Variants in FGF14 observed in about 807,000 individuals in gnomAD.
The protein encoded by FGF14 is fibroblast growth factor homologous factor 4.
In FGF14, 5 loss-of-function variants were observed where a neutral mutation model predicts 25.5. That is an observed-to-expected ratio of 0.20 (90% CI 0.10 to 0.41). The LOEUF (loss-of-function observed/expected upper bound fraction) is 0.41, where lower values mean the gene tolerates loss of function less well. Ranked by LOEUF, FGF14 falls within the 10% of genes least tolerant of loss-of-function variation. The pLI is 1.00. For missense variants in FGF14, 222 were observed against 320.1 expected (o/e 0.69, Z 2.34); for synonymous variants, 138 against 118.3 (o/e 1.17, Z -1.08).
intron 1 of FGF14, among the ~76,000 whole-genome samples, chr13:102,076,536 C>T (rs1476153280): frequency 2.0e-5 from 3 of 151,982 alleles, no homozygotes; most frequent in Non-Finnish European, 4.4e-5. Flanking sequence ...TTAAGCAACA[C>T]ACAACTGTTT....
At chr13:101,831,240 C>CTATTTATTTATT (rs71125026) in intron 3 of FGF14, among the ~76,000 whole-genome samples, 7 of 147,356 alleles carry the variant, frequency 4.8e-5, no homozygotes, top group African/African-American at 1.7e-4. Flanking sequence ...ATGTTAGTTA[C>CTATTTATTTATT]TATTTATTTA....
intron 1 of FGF14, among the ~76,000 whole-genome samples, chr13:102,173,687 T>C (rs1446331717): frequency 6.6e-6 from 1 of 152,106 alleles, no homozygotes; most frequent in African/African-American, 2.4e-5. Context: ...CATAGTTAGG[T>C]TGGAAGACAT....
intron 1 of FGF14, among the ~76,000 whole-genome samples, chr13:102,010,901 AACTTAC>A (rs1294122508): frequency 6.6e-6 from 1 of 152,184 alleles, no homozygotes; most frequent in Non-Finnish European, 1.5e-5. Context: ...AACGTGGAGA[AACTTAC>A]ACTTAAGAAA....
At chr13:101,785,097 G>T (rs1448028333) in intron 3 of FGF14, among the ~76,000 whole-genome samples, 1 of 152,106 alleles carries the variant, frequency 6.6e-6, no homozygotes, top group Non-Finnish European at 1.5e-5. Flanking sequence ...AGAATGAGAA[G>T]TGCAGTCATT....
intron 3 of FGF14, among the ~76,000 whole-genome samples, chr13:101,781,149 TCTCA>T (rs2039468932): frequency 6.6e-6 from 1 of 151,736 alleles, no homozygotes; most frequent in Non-Finnish European, 1.5e-5. Context: ...TCTCTCTCTC[TCTCA>T]CTCACTCATT....
At chr13:101,936,239 C>T (rs1347290773) in intron 1 of FGF14, among the ~76,000 whole-genome samples, 3 of 152,142 alleles carry the variant, frequency 2.0e-5, no homozygotes, top group Non-Finnish European at 4.4e-5. Flanking sequence ...AATGCCTGAC[C>T]CACGAGGGTT....
At chr13:102,388,587 C>G (rs1352683046) in intron 1 of FGF14, among the ~76,000 whole-genome samples, 1 of 152,198 alleles carries the variant, frequency 6.6e-6, no homozygotes, top group Non-Finnish European at 1.5e-5. Flanking sequence ...AATTTCTCAA[C>G]GTATGCCTTC....
At chr13:102,074,220 C>T (rs1190812122) in intron 1 of FGF14, among the ~76,000 whole-genome samples, 2 of 152,132 alleles carry the variant, frequency 1.3e-5, no homozygotes, top group African/African-American at 4.8e-5. Flanking sequence ...CACTATGTTG[C>T]CCAGGCTGGT....
At chr13:101,937,000 G>A (rs1329405293) in intron 1 of FGF14, among the ~76,000 whole-genome samples, 2 of 152,174 alleles carry the variant, frequency 1.3e-5, no homozygotes, top group African/African-American at 4.8e-5. Context: ...AATGAAGACT[G>A]TATTTTATAC....
intron 1 of FGF14, among the ~76,000 whole-genome samples, chr13:101,971,582 G>C (rs1356361269): frequency 1.3e-5 from 2 of 152,134 alleles, no homozygotes; most frequent in African/African-American, 4.8e-5. Context: ...ATGTCGTCTA[G>C]GCTGGTCTTG....
intron 4 of FGF14, 101 bp from the exon 5 acceptor site, chr13:101,723,068 C>A: frequency 7.1e-7 from 1 of 1,408,276 alleles, no homozygotes; most frequent in Non-Finnish European, 1.0e-6. Context: ...TTGCCCATTT[C>A]TGTTTTCCCT....
chr13:102,170,389 TCTC>T (rs1360840116), intron 1 of FGF14, among the ~76,000 whole-genome samples: 1 of 151,920 alleles, frequency 6.6e-6, no homozygotes, highest in Non-Finnish European at 1.5e-5. Flanking sequence ...TCTTCGTCCT[TCTC>T]CTTCTTTAAT....
intron 3 of FGF14, among the ~76,000 whole-genome samples, chr13:101,822,569 A>G (rs1444003098): frequency 6.6e-6 from 1 of 151,938 alleles, no homozygotes; most frequent in Non-Finnish European, 1.5e-5. Context: ...GAGATATAAC[A>G]TCTTAACAGT....
intron 1 of FGF14, among the ~76,000 whole-genome samples, chr13:102,262,658 C>T (rs1467110560): frequency 1.3e-5 from 2 of 151,942 alleles, no homozygotes; most frequent in African/African-American, 4.8e-5. Flanking sequence ...AATTTAGCAC[C>T]CACTAACAGG....
At position 101,963,891 on chromosome 13, in the gene FGF14, A is replaced by G. The variant is rs535375307; in HGVS notation, c.209-88595T>C. Among the ~76,000 whole-genome samples, 6 of 152,358 alleles carry G rather than the reference A, an allele frequency of 3.9e-5. No homozygotes were observed. In the South Asian group the frequency reaches 8.3e-4, roughly 21 times the overall value. Reference sequence around the variant, plus strand: ...ATAAGGCAGGAATGTCATAAATTCAATTTTATAGGAAAACAGTGTAATGTA... The same window carrying G: ...ATAAGGCAGGAATGTCATAAATTCAGTTTTATAGGAAAACAGTGTAATGTA... On this transcript the variant is annotated intron_variant, in intron 1 of 4. Transcript: ENST00000376131.
At chr13:101,882,434 G>T (rs1390415467) in intron 1 of FGF14, among the ~76,000 whole-genome samples, 1 of 152,050 alleles carries the variant, frequency 6.6e-6, no homozygotes, top group African/African-American at 2.4e-5. Context: ...ATTGCATCAG[G>T]ATATTGCATT....
chr13:102,207,293 A>T (rs1328615130), intron 1 of FGF14, among the ~76,000 whole-genome samples: 3 of 151,988 alleles, frequency 2.0e-5, no homozygotes, highest in Middle Eastern at 3.4e-3. Context: ...AAAATAAATA[A>T]ATAAATAAAA....
At chr13:101,829,807 G>T (rs1472440549) in intron 3 of FGF14, among the ~76,000 whole-genome samples, 1 of 151,990 alleles carries the variant, frequency 6.6e-6, no homozygotes, top group Non-Finnish European at 1.5e-5. Flanking sequence ...TCACAGTGAG[G>T]CAAACTTTTC....
At chr13:101,909,903 A>T (rs1032836322) in intron 1 of FGF14, among the ~76,000 whole-genome samples, 2 of 152,086 alleles carry the variant, frequency 1.3e-5, no homozygotes, top group South Asian at 2.1e-4. Context: ...CATGGAATAC[A>T]ATGCAGCCAT....
Sources: allele counts gnomAD v4.1 joint callset (sites outside exome capture counted in the v4.1 genomes callset), GRCh38; gene constraint gnomAD v4.1.1; transcripts MANE v1.5; gene names NCBI Gene and HGNC (gene_info 2026-07-23, HGNC 2026-07-21).